Variants in GSAP observed in about 807,000 individuals in gnomAD.
GSAP encodes the protein gamma-secretase-activating protein.
A neutral mutation model predicts 131.7 loss-of-function variants in GSAP; 118 were observed. That is an observed-to-expected ratio of 0.90 (90% CI 0.77 to 1.04). The LOEUF (loss-of-function observed/expected upper bound fraction) is 1.04. Ranked by LOEUF, GSAP falls within the 50% of genes least tolerant of loss-of-function variation. The pLI is 0.00. For synonymous variants in GSAP, 381 were observed against 363.4 expected (o/e 1.05, Z -0.55); for missense variants, 1,019 against 1,013.2 (o/e 1.01, Z -0.08).
chr7:77,402,375 C>G (rs1801453859), intron 3 of GSAP, among the ~76,000 whole-genome samples: 1 of 138,084 alleles, frequency 7.2e-6, no homozygotes, highest in Non-Finnish European at 1.5e-5. Flanking sequence ...GAAACCCCAT[C>G]TCTACTAAAA....
chr7:77,351,800 CT>C, intron 18 of GSAP: 1 of 806,318 alleles, frequency 1.2e-6, no homozygotes, highest in Non-Finnish European at 1.5e-6. Flanking sequence ...GTGGTCCCAG[CT>C]GCCTCCTGGA....
chr7:77,402,614 A>AC, intron 3 of GSAP, among the ~76,000 whole-genome samples: 1 of 144,210 alleles, frequency 6.9e-6, no homozygotes, highest in East Asian at 2.0e-4. Context: ...AAAAAAAAAA[A>AC]AAGAATTTTA....
chr7:77,313,206 C>T (rs1045008794), intron 28 of GSAP, among the ~76,000 whole-genome samples: 2 of 152,204 alleles, frequency 1.3e-5, no homozygotes, highest in African/African-American at 4.8e-5. Flanking sequence ...CTCTCAGACT[C>T]AGATGTAAAT....
intron 19 of GSAP, among the ~76,000 whole-genome samples, chr7:77,343,157 C>T (rs886880740): frequency 1.3e-5 from 2 of 151,806 alleles, no homozygotes; most frequent in African/African-American, 4.9e-5. Context: ...TTTAGCCTAG[C>T]CTTCATGTCT....
At chr7:77,338,254 C>T (rs1490711358) in intron 19 of GSAP, among the ~76,000 whole-genome samples, 1 of 152,136 alleles carries the variant, frequency 6.6e-6, no homozygotes, top group Non-Finnish European at 1.5e-5. Context: ...TTCCCTAGAG[C>T]AATCCACAGT....
chr7:77,362,482 G>A, intron 13 of GSAP, 101 bp downstream of exon 13: 1 of 661,810 alleles, frequency 1.5e-6, no homozygotes, highest in East Asian at 2.7e-5. Flanking sequence ...GGGAGACCCT[G>A]TCTCCAAAAA....
At chr7:77,366,199 CTGTT>C (rs957442208) in intron 12 of GSAP, among the ~76,000 whole-genome samples, 16 of 152,024 alleles carry the variant, frequency 1.1e-4, no homozygotes, top group African/African-American at 3.4e-4. Flanking sequence ...TTGGTTTACT[CTGTT>C]AGTTTCTTTT....
At chr7:77,396,224 A>T (rs1362468689) in intron 5 of GSAP, among the ~76,000 whole-genome samples, 1 of 152,118 alleles carries the variant, frequency 6.6e-6, no homozygotes, top group Non-Finnish European at 1.5e-5. Flanking sequence ...TAAAGAAAAA[A>T]AATATTTCTT....
At chr7:77,319,837 CAT>C (rs1787384580) in intron 26 of GSAP, among the ~76,000 whole-genome samples, 1 of 152,148 alleles carries the variant, frequency 6.6e-6, no homozygotes, top group Admixed American at 6.5e-5. Context: ...TAGTCAAACT[CAT>C]AGACACAGAA....
intron 6 of GSAP, among the ~76,000 whole-genome samples, chr7:77,383,833 T>G (rs2151050450): frequency 6.6e-6 from 1 of 152,332 alleles, no homozygotes; most frequent in South Asian, 2.1e-4. Context: ...AATCTCCGAG[T>G]CATTAGTCTC....
chr7:77,344,683 G>A (rs1483533271), intron 19 of GSAP, among the ~76,000 whole-genome samples: 1 of 152,138 alleles, frequency 6.6e-6, no homozygotes, highest in Non-Finnish European at 1.5e-5. Flanking sequence ...CTTTTAGAGT[G>A]GATAGATGAT....
chr7:77,323,921 C>T (rs929675080), intron 23 of GSAP, among the ~76,000 whole-genome samples, 179 bp from the exon 24 acceptor site: 17 of 152,100 alleles, frequency 1.1e-4, no homozygotes, highest in African/African-American at 4.1e-4. Context: ...TAAGGGGTCC[C>T]CAACATTTGC....
chr7:77,345,904 A>C (rs1791733757), intron 19 of GSAP, among the ~76,000 whole-genome samples: 1 of 152,200 alleles, frequency 6.6e-6, no homozygotes, highest in Admixed American at 6.5e-5. Flanking sequence ...ATATCAATTT[A>C]TCACAAAATA....
intron 6 of GSAP, among the ~76,000 whole-genome samples, chr7:77,382,994 T>G (rs2151045028): frequency 6.6e-6 from 1 of 152,254 alleles, no homozygotes; most frequent in South Asian, 2.1e-4. Flanking sequence ...AAGACCAGCC[T>G]GGGCAACATG....
chr7:77,348,986 A>C (rs1306644218), intron 19 of GSAP, among the ~76,000 whole-genome samples: 1 of 152,152 alleles, frequency 6.6e-6, no homozygotes, highest in African/African-American at 2.4e-5. Flanking sequence ...ATTTTGAGGG[A>C]GTAATAGTGC....
chr7:77,389,148 A>G (rs967244002), intron 5 of GSAP, among the ~76,000 whole-genome samples: 2 of 151,962 alleles, frequency 1.3e-5, no homozygotes, highest in African/African-American at 4.8e-5. Flanking sequence ...AATTTTTCTT[A>G]TTGTTATCTT....
intron 12 of GSAP, among the ~76,000 whole-genome samples, chr7:77,371,683 C>T (rs1384166208): frequency 6.6e-6 from 1 of 152,150 alleles, no homozygotes; most frequent in African/African-American, 2.4e-5. Context: ...GTGATCTGCC[C>T]GCCTCGGCCT....
intron 1 of GSAP, among the ~76,000 whole-genome samples, chr7:77,412,111 G>A (rs1803395566): frequency 6.6e-6 from 1 of 152,166 alleles, no homozygotes; most frequent in Non-Finnish European, 1.5e-5. Context: ...CCCGGGAGGT[G>A]GAGGTTGCAG....
intron 8 of GSAP, among the ~76,000 whole-genome samples, chr7:77,378,465 C>T (rs140217986): frequency 0.012 from 1,796 of 150,686 alleles, 34 homozygotes; most frequent in African/African-American, 0.042. Flanking sequence ...GCCTGGGTGA[C>T]AGAGCAAGAG....
Sources: allele counts gnomAD v4.1 joint callset (sites outside exome capture counted in the v4.1 genomes callset), GRCh38; gene constraint gnomAD v4.1.1; transcripts MANE v1.5; gene names NCBI Gene and HGNC (gene_info 2026-07-23, HGNC 2026-07-21).